KALRN: variants seen among roughly 807,000 people sequenced by gnomAD.
KALRN encodes the protein kalirin.
Under a neutral mutation model 353.7 loss-of-function variants are expected in KALRN, and 70 were observed. The ratio of observed to expected loss-of-function variants is 0.20; its 90% CI spans 0.16 to 0.24. The LOEUF (loss-of-function observed/expected upper bound fraction) is 0.24, where lower values mean the gene tolerates loss of function less well. Ranked by LOEUF, KALRN falls within the 10% of genes least tolerant of loss-of-function variation. The pLI is 1.00. For missense variants in KALRN, 2,791 were observed against 3,756.7 expected, an observed-to-expected ratio of 0.74 and a Z score of 6.72; for synonymous variants, 1,391 against 1,434.8, an observed-to-expected ratio of 0.97 and a Z score of 0.69.
intron 5 of KALRN, among the ~76,000 whole-genome samples, chr3:124,270,813 T>G (rs1560420605): frequency 3.0e-5 from 4 of 134,756 alleles, no homozygotes; most frequent in African/African-American, 8.2e-5. Flanking sequence ...CTTTGTTTAT[T>G]TTTTTGTTTT....
chr3:124,099,782 G>A (rs1425204047), intron 1 of KALRN, among the ~76,000 whole-genome samples: 1 of 152,020 alleles, frequency 6.6e-6, no homozygotes, highest in African/African-American at 2.4e-5. Flanking sequence ...ATATCTCATT[G>A]TGGTTTTGAT....
intron 6 of KALRN, 111 bp from the exon 7 acceptor site, chr3:124,325,869 C>T: frequency 1.2e-6 from 1 of 804,862 alleles, no homozygotes; most frequent in Non-Finnish European, 2.1e-6. Flanking sequence ...GTACCAGCGT[C>T]TCTCAGACTT....
At chr3:124,642,399 G>A (rs1330091135) in intron 37 of KALRN, among the ~76,000 whole-genome samples, 1 of 152,156 alleles carries the variant, frequency 6.6e-6, no homozygotes, top group Non-Finnish European at 1.5e-5. Context: ...GCTCAGGATG[G>A]CCCTAGTGGA....
chr3:124,656,052 T>C (rs960953327), intron 39 of KALRN, among the ~76,000 whole-genome samples: 9 of 152,190 alleles, frequency 5.9e-5, no homozygotes, highest in African/African-American at 1.7e-4. Flanking sequence ...AGTGGGATCT[T>C]AGGGCTTATA....
At chr3:124,056,010 T>A (rs1301542516) in intron 1 of KALRN, among the ~76,000 whole-genome samples, 1 of 152,216 alleles carries the variant, frequency 6.6e-6, no homozygotes, top group Non-Finnish European at 1.5e-5. Context: ...CCTTCCTATA[T>A]GTCAGGTTGA....
At chr3:124,080,901 C>T (rs1280169688) in intron 1 of KALRN, among the ~76,000 whole-genome samples, 4 of 152,148 alleles carry the variant, frequency 2.6e-5, no homozygotes, top group Non-Finnish European at 2.9e-5. Flanking sequence ...TCTAAGGAAA[C>T]GATTGTTTTA....
At chr3:124,101,923 C>T (rs2061900144) in intron 1 of KALRN, among the ~76,000 whole-genome samples, 1 of 151,862 alleles carries the variant, frequency 6.6e-6, no homozygotes, top group Non-Finnish European at 1.5e-5. Flanking sequence ...CATATGTGTG[C>T]CCAGCATGAT....
At chr3:124,215,064 G>T (rs1469802015) in intron 1 of KALRN, among the ~76,000 whole-genome samples, 1 of 152,200 alleles carries the variant, frequency 6.6e-6, no homozygotes, top group Non-Finnish European at 1.5e-5. Context: ...GGGAAGAGGA[G>T]TTGGGAAAAG....
chr3:124,071,181 G>T (rs1252606104), intron 1 of KALRN, among the ~76,000 whole-genome samples: 4 of 152,158 alleles, frequency 2.6e-5, no homozygotes, highest in Non-Finnish European at 5.9e-5. Flanking sequence ...GATGCTTGGT[G>T]ATTTGAACCC....
chr3:124,611,713 C>T lies in KALRN; in HGVS notation c.5183-20707C>T, dbSNP rs542871036. On this transcript the variant is annotated intron_variant, in intron 34 of 59. Coordinates refer to ENST00000682506, the MANE Select transcript of KALRN (RefSeq NM_001388419.1). ...TGCATTGGGGATAAAGTCCAGCTTC[C>T]TGCTGTGCCCTGCAAGGCTGTGGTT... Among the ~76,000 whole-genome samples, 15 of 152,354 alleles carry T rather than the reference C, an allele frequency of 9.8e-5. No homozygotes were observed. The South Asian group carries it at 3.1e-3, about 32-fold the overall frequency.
chr3:124,479,493 T>A (rs1421135677), intron 27 of KALRN, among the ~76,000 whole-genome samples: 1 of 152,146 alleles, frequency 6.6e-6, no homozygotes, highest in African/African-American at 2.4e-5. Flanking sequence ...AGGCCCTCAT[T>A]CTATTGCTTT....
At chr3:124,279,240 C>T (rs1246826638) in intron 5 of KALRN, among the ~76,000 whole-genome samples, 1 of 152,162 alleles carries the variant, frequency 6.6e-6, no homozygotes, top group Non-Finnish European at 1.5e-5. Flanking sequence ...GTTCAGTTCA[C>T]CCCCTCTGAA....
At chr3:124,304,238 A>T (rs926532350) in intron 6 of KALRN, among the ~76,000 whole-genome samples, 2 of 152,084 alleles carry the variant, frequency 1.3e-5, no homozygotes, top group South Asian at 2.1e-4. Context: ...AACTTGTTTT[A>T]AAAAAATGAA....
At chr3:124,470,666 G>A (rs1177942144) in intron 25 of KALRN, among the ~76,000 whole-genome samples, 5 of 152,138 alleles carry the variant, frequency 3.3e-5, no homozygotes, top group African/African-American at 1.2e-4. Flanking sequence ...CTGGATGTGT[G>A]GGAATTACCC....
intron 1 of KALRN, among the ~76,000 whole-genome samples, chr3:124,166,057 G>A (rs1046089668): frequency 7.2e-5 from 11 of 152,024 alleles, no homozygotes; most frequent in African/African-American, 2.7e-4. Flanking sequence ...CTGCTCCCCA[G>A]CATTCAGGCC....
At chr3:124,520,077 T>A (rs2108997769) in intron 33 of KALRN, among the ~76,000 whole-genome samples, 1 of 152,098 alleles carries the variant, frequency 6.6e-6, no homozygotes, top group African/African-American at 2.4e-5. Context: ...CAACAGAATT[T>A]GTTTTTCAGA....
intron 1 of KALRN, among the ~76,000 whole-genome samples, chr3:124,160,725 T>A (rs2069795899): frequency 6.6e-6 from 1 of 151,928 alleles, no homozygotes; most frequent in Admixed American, 6.6e-5. Context: ...TCGGAGGTGG[T>A]GAGGGATAAT....
intron 14 of KALRN, among the ~76,000 whole-genome samples, chr3:124,418,166 T>TC (rs397874330): frequency 1.3e-5 from 2 of 151,952 alleles, no homozygotes; most frequent in African/African-American, 2.4e-5. Flanking sequence ...TATTTTTTTT[T>TC]CAAAATGAAA....
chr3:124,722,672 G>A lies in KALRN; in HGVS notation c.*3202G>A, dbSNP rs2063373421. On this transcript the variant is annotated 3_prime_UTR_variant, in exon 60 of 60. Transcript: ENST00000682506. Reference sequence around the variant, plus strand: ...CGTGCTTAGGGAAAAAGGATCAGGGGCCACTCTTGTTCCTGTTTTGGCGGA... The same window carrying A: ...CGTGCTTAGGGAAAAAGGATCAGGGACCACTCTTGTTCCTGTTTTGGCGGA... 1 of 152,198 alleles carries A rather than the reference G, an allele frequency of 6.6e-6. No individual in the cohort carries two copies. Among genetic ancestry groups the A allele is most frequent in the Non-Finnish European group, 1.5e-5 (1 of 68,042 alleles). 9.4% of individuals were successfully genotyped at this position (152,198 alleles called of 1,614,324 possible).
Sources: allele counts gnomAD v4.1 joint callset (sites outside exome capture counted in the v4.1 genomes callset), GRCh38; gene constraint gnomAD v4.1.1; transcripts MANE v1.5; gene names NCBI Gene and HGNC (gene_info 2026-07-23, HGNC 2026-07-21).